The following KCNQ3 variants were observed in gnomAD, a reference collection of about 807,000 sequenced individuals.
KCNQ3 encodes potassium voltage-gated channel subfamily Q member 3.
A neutral mutation model predicts 92.5 loss-of-function variants in KCNQ3; 30 were observed. The observed-to-expected ratio is 0.32, with a 90% confidence interval of 0.24 to 0.44. KCNQ3 has a LOEUF of 0.44. KCNQ3 is among the 20% of genes least tolerant of loss of function. The pLI, the probability that KCNQ3 is intolerant of heterozygous loss-of-function variation, is 1.00. For synonymous variants in KCNQ3, 450 were observed against 468.8 expected (o/e 0.96, Z 0.52); for missense variants, 913 against 1,140.3 (o/e 0.80, Z 2.87).
intron 1 of KCNQ3, among the ~76,000 whole-genome samples, chr8:132,283,580 T>G (rs1276219957): frequency 6.6e-6 from 1 of 152,230 alleles, no homozygotes. Context: ...GAGGTCAGCA[T>G]GACCAGCAGG....
chr8:132,459,788 A>C (rs769302079), intron 1 of KCNQ3, among the ~76,000 whole-genome samples: 5 of 146,486 alleles, frequency 3.4e-5, no homozygotes, highest in Non-Finnish European at 7.5e-5. Flanking sequence ...GAAGTCACTT[A>C]TGCAGCCCTC....
At chr8:132,199,611 T>A in intron 1 of KCNQ3, among the ~76,000 whole-genome samples, 1 of 152,192 alleles carries the variant, frequency 6.6e-6, no homozygotes, top group Admixed American at 6.5e-5. Flanking sequence ...AAGAGTATCA[T>A]TTAAAGTGTA....
At chr8:132,403,797 C>G (rs1195474166) in intron 1 of KCNQ3, among the ~76,000 whole-genome samples, 1 of 152,184 alleles carries the variant, frequency 6.6e-6, no homozygotes, top group Admixed American at 6.5e-5. Flanking sequence ...GGAGATAACT[C>G]TTTCCCCATC....
At chr8:132,250,761 A>AT (rs548606418) in intron 1 of KCNQ3, among the ~76,000 whole-genome samples, 36 of 152,278 alleles carry the variant, frequency 2.4e-4, no homozygotes, top group African/African-American at 7.9e-4. Context: ...GCACTCTGTC[A>AT]TGGGCTGGCT....
intron 1 of KCNQ3, among the ~76,000 whole-genome samples, chr8:132,316,279 G>A (rs73710516): frequency 2.6e-5 from 4 of 152,142 alleles, no homozygotes; most frequent in East Asian, 1.9e-4. Flanking sequence ...CCTCCTCTCC[G>A]CTGAAGAGTT....
Position 132,141,243 on chromosome 8 carries a change from C to T in KCNQ3, c.1351G>A (p.Asp451Asn). 2 of 1,614,162 alleles carry T rather than the reference C, an allele frequency of 1.2e-6. No individual in the cohort carries two copies. Among genetic ancestry groups the T allele is most frequent in the Non-Finnish European group, 1.7e-6 (2 of 1,180,008 alleles). ...KGKLFTPLNV[D>N]AIEESPSKEP... Reference sequence around the variant, plus strand: ...TTAGAAGGACTTTCTTCTATGGCATCTACATTCAGAGGGGTAAATAGCTTT... The same window carrying T: ...TTAGAAGGACTTTCTTCTATGGCATTTACATTCAGAGGGGTAAATAGCTTT... The change falls in exon 10 of 15, where the codon GAT becomes AAT. Residue 451 changes from aspartate (D) to asparagine (N), a missense_variant. Physicochemically the swap from Asp to Asn is conservative, Grantham distance 23. Around this residue, in one of 6 missense-constraint regions of KCNQ3, gnomAD observed 182 missense variants for 234.5 expected, o/e 0.78. Coordinates refer to ENST00000388996, the MANE Select transcript of KCNQ3 (RefSeq NM_004519.4).
In KCNQ3 at chr8:132,370,842, A is replaced by G. The variant is rs963517753; in HGVS notation, c.386+109305T>C. Among the ~76,000 whole-genome samples, 30 of 152,242 alleles carry G rather than the reference A, an allele frequency of 2.0e-4. 1 individual carries two copies. Among genetic ancestry groups the G allele is most frequent in the Admixed American group, 1.3e-4 (2 of 15,284 alleles). ...CCAGGCTCTGTGCAAAGTGCTTCTC[A>G]TGCCTAACCTGGCTTACTACTTACC... is the stretch of plus-strand genomic sequence containing the variant. On this transcript the variant is annotated intron_variant, in intron 1 of 14. Coordinates refer to ENST00000388996, the MANE Select transcript of KCNQ3 (RefSeq NM_004519.4).
intron 8 of KCNQ3, among the ~76,000 whole-genome samples, chr8:132,167,167 T>C (rs181384540): frequency 0.033 from 5,028 of 152,158 alleles, 302 homozygotes; most frequent in African/African-American, 0.11. Flanking sequence ...AAAGAAACCA[T>C]GCATAAAAGA....
chr8:132,304,800 T>C (rs1817364880), intron 1 of KCNQ3, among the ~76,000 whole-genome samples: 1 of 152,130 alleles, frequency 6.6e-6, no homozygotes, highest in Non-Finnish European at 1.5e-5. Flanking sequence ...AATAGCATAA[T>C]TATACCTATT....
chr8:132,154,373 A>T (rs148944449), intron 9 of KCNQ3, among the ~76,000 whole-genome samples: 17 of 151,968 alleles, frequency 1.1e-4, no homozygotes, highest in African/African-American at 3.9e-4. Context: ...ATGAAACTCC[A>T]GTCATGCAAC....
chr8:132,163,405 G>A, intron 9 of KCNQ3, 63 bp downstream of exon 9: 1 of 1,408,234 alleles, frequency 7.1e-7, no homozygotes, highest in Non-Finnish European at 1.0e-6. Flanking sequence ...TACACCATAT[G>A]GAGCAGGATG....
intron 1 of KCNQ3, among the ~76,000 whole-genome samples, chr8:132,369,026 C>T (rs1819400658): frequency 1.3e-5 from 2 of 152,118 alleles, no homozygotes; most frequent in African/African-American, 4.8e-5. Flanking sequence ...TTTGATGACC[C>T]TGACAGTTTT....
intron 1 of KCNQ3, among the ~76,000 whole-genome samples, chr8:132,334,506 A>C (rs1449136700): frequency 1.3e-5 from 2 of 152,236 alleles, no homozygotes; most frequent in Non-Finnish European, 2.9e-5. Context: ...CAGAAATACA[A>C]ATAATTGGCA....
intron 1 of KCNQ3, among the ~76,000 whole-genome samples, chr8:132,346,136 T>G (rs1005069991): frequency 6.6e-6 from 1 of 152,114 alleles, no homozygotes; most frequent in Non-Finnish European, 1.5e-5. Flanking sequence ...ATCATGGTGA[T>G]TGAGGATGCT....
In KCNQ3 at chr8:132,123,164, T is replaced by C. The variant is rs1824541743; in HGVS notation, c.*6098A>G. On this transcript the variant is annotated 3_prime_UTR_variant, in exon 15 of 15. Coordinates refer to ENST00000388996, the MANE Select transcript of KCNQ3 (RefSeq NM_004519.4). Reference sequence around the variant, plus strand: ...TTTATCAAGAAGAAACCCTGTTTAATTGGCCTATAGATGAGGATGCAACCT... The same window carrying C: ...TTTATCAAGAAGAAACCCTGTTTAACTGGCCTATAGATGAGGATGCAACCT... The C allele has an allele frequency of 6.6e-6, 1 of 152,202 alleles. No individual in the cohort carries two copies. The highest frequency in any genetic ancestry group is 6.5e-5 in the Admixed American group (1 of 15,272). The allele number at this position is 152,202 out of a possible 1,614,324, so 9.4% of individuals were successfully genotyped here. A position where few individuals can be genotyped will look rare whatever the true frequency, so the allele number is the denominator to read the frequency against.
intron 1 of KCNQ3, among the ~76,000 whole-genome samples, chr8:132,270,767 C>T (rs917350509): frequency 3.9e-5 from 6 of 152,144 alleles, no homozygotes; most frequent in Admixed American, 2.6e-4. Context: ...TATTTCTTTA[C>T]AGAAACAATT....
At chr8:132,170,542 G>A (rs1826297860) in intron 7 of KCNQ3, 114 bp from the exon 8 acceptor site, 5 of 725,564 alleles carry the variant, frequency 6.9e-6, no homozygotes, top group African/African-American at 1.8e-5. Context: ...ATTTGAATGT[G>A]CATTGAGCCA....
At chr8:132,203,263 C>T (rs1276824034) in intron 1 of KCNQ3, among the ~76,000 whole-genome samples, 1 of 152,108 alleles carries the variant, frequency 6.6e-6, no homozygotes, top group African/African-American at 2.4e-5. Flanking sequence ...CTTTAGGAGA[C>T]ACATTTAAAC....
At chr8:132,335,892 C>G (rs1230163544) in intron 1 of KCNQ3, among the ~76,000 whole-genome samples, 1 of 152,134 alleles carries the variant, frequency 6.6e-6, no homozygotes, top group Non-Finnish European at 1.5e-5. Flanking sequence ...ACCTGAAGGA[C>G]TCCTGCACCT....
Sources: gnomAD v4.1 joint callset for allele counts (sites outside exome capture counted in the v4.1 genomes callset) on GRCh38, gnomAD v4.1.1 for gene constraint, gnomAD v4.1.1 regional missense constraint, MANE v1.5 for transcripts, NCBI Gene and HGNC (gene_info 2026-07-23, HGNC 2026-07-21) for gene names.